The following TEX9 variants were observed in gnomAD, a reference collection of about 807,000 sequenced individuals.
The protein encoded by TEX9 is testis expressed 9.
In TEX9, 74 loss-of-function variants were observed where a neutral mutation model predicts 59.6. The ratio of observed to expected loss-of-function variants is 1.24; its 90% confidence interval spans 1.03 to 1.51. The LOEUF (loss-of-function observed/expected upper bound fraction) is 1.51. TEX9 is among the 40% of genes most tolerant of loss of function. The pLI, the probability that TEX9 is intolerant of heterozygous loss-of-function variation, is 0.00. For synonymous variants in TEX9, 186 were observed against 152.2 expected (o/e 1.22, Z -1.64); for missense variants, 522 against 447.8 (o/e 1.17, Z -1.49).
chr15:56,348,166 C>A (rs1241780613), intron 1 of TEX9, among the ~76,000 whole-genome samples: 2 of 152,034 alleles, frequency 1.3e-5, no homozygotes, highest in African/African-American at 4.8e-5. Flanking sequence ...TGTATTATTT[C>A]TTACAACTCA....
At chr15:56,307,231 A>C (rs535141462) in intron 1 of TEX9, among the ~76,000 whole-genome samples, 1 of 152,168 alleles carries the variant, frequency 6.6e-6, no homozygotes, top group Non-Finnish European at 1.5e-5. Flanking sequence ...ATCACAGGCC[A>C]CTGGTCTTTT....
intron 12 of TEX9, chr15:56,443,742 TTTC>T (rs2050858845): frequency 6.2e-7 from 1 of 1,613,382 alleles, no homozygotes. Context: ...ATTTTTCTGT[TTTC>T]TTCTTCCATC....
chr15:56,422,010 T>A (rs1406233815), intron 10 of TEX9, among the ~76,000 whole-genome samples: 1 of 148,644 alleles, frequency 6.7e-6, no homozygotes, highest in Non-Finnish European at 1.5e-5. Flanking sequence ...TCAAATGGTA[T>A]TTCTAGTTCT....
chr15:56,337,635 T>A (rs1219383300), intron 1 of TEX9, among the ~76,000 whole-genome samples: 2 of 152,208 alleles, frequency 1.3e-5, no homozygotes, highest in African/African-American at 2.4e-5. Context: ...TAGATGAACT[T>A]CCCTCTTACC....
intron 1 of TEX9, among the ~76,000 whole-genome samples, chr15:56,299,918 G>C (rs2045303507): frequency 6.6e-6 from 1 of 152,146 alleles, no homozygotes; most frequent in Non-Finnish European, 1.5e-5. Flanking sequence ...CAGGAGCCTT[G>C]AGTGAGACAC....
intron 1 of TEX9, among the ~76,000 whole-genome samples, chr15:56,282,943 A>C (rs2044851180): frequency 6.6e-6 from 1 of 152,226 alleles, no homozygotes; most frequent in African/African-American, 2.4e-5. Context: ...GTGAAAAGTG[A>C]GGTAAAAAAT....
intron 9 of TEX9, among the ~76,000 whole-genome samples, chr15:56,409,449 T>A (rs1357289652): frequency 6.6e-6 from 1 of 152,128 alleles, no homozygotes; most frequent in African/African-American, 2.4e-5. Context: ...CTACAGGATC[T>A]TTGTCTTCAT....
At chr15:56,427,163 T>TAA (rs1345830060) in intron 10 of TEX9, among the ~76,000 whole-genome samples, 1 of 152,180 alleles carries the variant, frequency 6.6e-6, no homozygotes, top group Non-Finnish European at 1.5e-5. Context: ...AAAGTGCTTT[T>TAA]AGAAGAAGCT....
chr15:56,427,404 T>C (rs2050350047), intron 10 of TEX9, among the ~76,000 whole-genome samples: 1 of 152,046 alleles, frequency 6.6e-6, no homozygotes, highest in Admixed American at 6.6e-5. Flanking sequence ...TAAAAACATT[T>C]TTTAAAAATG....
intron 1 of TEX9, among the ~76,000 whole-genome samples, chr15:56,331,077 C>G (rs1425848949): frequency 2.6e-5 from 4 of 152,068 alleles, no homozygotes; most frequent in African/African-American, 9.7e-5. Context: ...TGTAAAGATA[C>G]AAGGGTCAAT....
At chr15:56,446,887 C>G, downstream of TEX9, 3 of 1,610,594 alleles carry the variant, frequency 1.9e-6, no homozygotes, top group Non-Finnish European at 2.5e-6. Flanking sequence ...CTGAGCTGCC[C>G]TTTCTTTATT....
intron 4 of TEX9, among the ~76,000 whole-genome samples, chr15:56,387,640 G>T (rs1391514825): frequency 2.0e-5 from 3 of 151,874 alleles, no homozygotes; most frequent in South Asian, 2.1e-4. Flanking sequence ...AGCAATAATG[G>T]ATGCTAACAT....
intron 1 of TEX9, among the ~76,000 whole-genome samples, chr15:56,253,137 A>C (rs1414585389): frequency 6.6e-6 from 1 of 152,114 alleles, no homozygotes. Flanking sequence ...ATGATCACTA[A>C]AAGCCACACG....
intron 10 of TEX9, among the ~76,000 whole-genome samples, chr15:56,424,232 T>C (rs558364892): frequency 6.6e-6 from 1 of 152,320 alleles, no homozygotes; most frequent in African/African-American, 2.4e-5. Context: ...CATATGTTCT[T>C]ATATAATGTC....
At chr15:56,364,466 CTTTT>C (rs55845567), upstream of TEX9, among the ~76,000 whole-genome samples, 1 of 139,602 alleles carries the variant, frequency 7.2e-6, no homozygotes, top group Non-Finnish European at 1.6e-5. Context: ...TTTTTCTTTT[CTTTT>C]TTTTTTTTTT....
intron 11 of TEX9, among the ~76,000 whole-genome samples, 190 bp from the exon 12 acceptor site, chr15:56,428,177 T>G (rs2050409987): frequency 6.6e-6 from 1 of 152,056 alleles, no homozygotes; most frequent in Non-Finnish European, 1.5e-5. Flanking sequence ...ATCTTAAAAG[T>G]AAGTTGGTTC....
chr15:56,394,986 TTTA>T, intron 9 of TEX9, 152 bp downstream of exon 9: 2 of 740,814 alleles, frequency 2.7e-6, no homozygotes, highest in East Asian at 5.6e-5. Context: ...TTTTAACAAC[TTTA>T]TTGAGATGTA....
chr15:56,422,492 A>AT (rs1197627169), intron 10 of TEX9, among the ~76,000 whole-genome samples: 2 of 151,514 alleles, frequency 1.3e-5, no homozygotes, highest in African/African-American at 4.9e-5. Context: ...GCATTTCAGC[A>AT]TTTGTTATAT....
chr15:56,302,201 C>T (rs1304278650), intron 1 of TEX9, among the ~76,000 whole-genome samples: 1 of 152,020 alleles, frequency 6.6e-6, no homozygotes, highest in Non-Finnish European at 1.5e-5. Context: ...AAAAAACCTC[C>T]AACAGTCTGG....
Sources: allele counts gnomAD v4.1 joint callset (sites outside exome capture counted in the v4.1 genomes callset), GRCh38; gene constraint gnomAD v4.1.1; transcripts MANE v1.5; gene names NCBI Gene and HGNC (gene_info 2026-07-23, HGNC 2026-07-21).